TRIO: variants seen among roughly 807,000 people sequenced by gnomAD.
The protein encoded by TRIO is trio Rho guanine nucleotide exchange factor, also known as triple functional domain protein.
A neutral mutation model predicts 351.9 loss-of-function variants in TRIO; 58 were observed. The observed-to-expected ratio is 0.16, with a 90% CI of 0.13 to 0.21. The LOEUF (loss-of-function observed/expected upper bound fraction) is 0.21. Among genes scored for constraint, TRIO ranks in the 10% least tolerant of loss-of-function variants. The pLI, the probability that TRIO is intolerant of heterozygous loss-of-function variation, is 1.00. For synonymous variants in TRIO, 1,758 were observed against 1,595.7 expected (o/e 1.10, Z -2.42); for missense variants, 3,201 against 4,027.8 (o/e 0.79, Z 5.56).
intron 1 of TRIO, among the ~76,000 whole-genome samples, chr5:14,145,663 C>G (rs971514088): frequency 6.6e-6 from 1 of 152,188 alleles, no homozygotes; most frequent in African/African-American, 2.4e-5. Context: ...CAGCTCCTCT[C>G]TGTTAGAAAG....
chr5:14,167,311 G>T (rs973056407), intron 1 of TRIO, among the ~76,000 whole-genome samples: 1 of 151,888 alleles, frequency 6.6e-6, no homozygotes, highest in South Asian at 2.1e-4. Flanking sequence ...AGCCCGTTAA[G>T]AATGTTCCAG....
Position 14,286,625 on chromosome 5 carries a change from C to G in TRIO, c.348-246C>G, listed in dbSNP as rs746456697. Among the ~76,000 whole-genome samples the G allele has an allele frequency of 1.4e-4, 22 of 152,110 alleles. No homozygotes were observed. The highest frequency in any genetic ancestry group is 4.1e-4 in the South Asian group (2 of 4,826). ...CTGAAAAGAAGACGGGATGCAAAAC[C>G]ATTAATACAAAATTGAAATCTTAAC... On this transcript the variant is annotated intron_variant, in intron 3 of 56. Coordinates refer to ENST00000344204, the MANE Select transcript of TRIO (RefSeq NM_007118.4). The surrounding 1 kb of genome is among the most constrained non-coding windows in gnomAD (Gnocchi z 4.4).
intron 34 of TRIO, among the ~76,000 whole-genome samples, chr5:14,442,594 G>A (rs80225281): frequency 0.023 from 3,446 of 152,140 alleles, 123 homozygotes; most frequent in African/African-American, 0.079. Context: ...TTTGACCCTG[G>A]GCTCTTTTTG....
intron 2 of TRIO, among the ~76,000 whole-genome samples, chr5:14,279,301 A>G (rs1240965543): frequency 6.6e-6 from 1 of 152,224 alleles, no homozygotes; most frequent in Admixed American, 6.5e-5. Context: ...TTTTTAAAAT[A>G]CCATCATCTT....
At chr5:14,185,533 C>G (rs1362163613) in intron 1 of TRIO, among the ~76,000 whole-genome samples, 1 of 152,192 alleles carries the variant, frequency 6.6e-6, no homozygotes, top group African/African-American at 2.4e-5. Flanking sequence ...GCCACCTGCC[C>G]CTGCCTGCAC....
chr5:14,510,185 A>C lies in TRIO; in HGVS notation c.*1763A>C, dbSNP rs1047041920. 3 of 152,230 alleles carry C rather than the reference A, an allele frequency of 2.0e-5. No homozygotes were observed. The highest frequency in any genetic ancestry group is 7.2e-5 in the African/African-American group (3 of 41,462). 9.4% of individuals were successfully genotyped at this position (152,230 alleles called of 1,614,324 possible). ...TATTTTGCCATCAGTTATTTTAAAA[A>C]ATTAAACATATTTGCCTGATTTTTG... On this transcript the variant is annotated 3_prime_UTR_variant, in exon 57 of 57. Transcript: ENST00000344204.
intron 9 of TRIO, among the ~76,000 whole-genome samples, chr5:14,323,830 A>G (rs921514778): frequency 1.3e-5 from 2 of 152,194 alleles, no homozygotes; most frequent in African/African-American, 4.8e-5. Context: ...TTCATTTGTG[A>G]TTTTTACTTT....
At position 14,488,033 on chromosome 5, in the gene TRIO, G is replaced by A. The variant is rs750105964; in HGVS notation, c.7405G>A (p.Gly2469Ser). ...GCTCTCCAGCGCGGTCCCTTCTCTC[G>A]GCAAGGAGCCCTTCCCCCCCAGCAG... ...SPLSSAVPSL[G>S]KEPFPPSSPL... The change falls in exon 48 of 57, where the codon GGC (glycine) becomes AGC (serine). Residue 2469 changes from glycine (G) to serine (S), a missense_variant. Around this residue, in one of 19 missense-constraint regions of TRIO, gnomAD observed 1,089 missense variants for 954.9 expected, o/e 1.14. Transcript: ENST00000344204. 1,049 of 1,603,908 alleles carry A rather than the reference G, an allele frequency of 6.5e-4. No individual in the cohort carries two copies. Among genetic ancestry groups the A allele is most frequent in the Non-Finnish European group, 8.5e-4 (999 of 1,176,560 alleles).
At chr5:14,391,643 A>T (rs1747090874) in intron 27 of TRIO, among the ~76,000 whole-genome samples, 1 of 152,232 alleles carries the variant, frequency 6.6e-6, no homozygotes. Flanking sequence ...AACTTGGTCA[A>T]ATATGTGCCA....
chr5:14,349,648 G>C (rs188359334), intron 11 of TRIO, among the ~76,000 whole-genome samples: 271 of 152,224 alleles, frequency 1.8e-3, no homozygotes, highest in Admixed American at 3.9e-3. Context: ...TCTATCTTTT[G>C]CTTTCAACAT....
At chr5:14,347,858 T>A (rs1268058454) in intron 11 of TRIO, among the ~76,000 whole-genome samples, 1 of 152,238 alleles carries the variant, frequency 6.6e-6, no homozygotes, top group African/African-American at 2.4e-5. Flanking sequence ...GTGCTAGAAT[T>A]CAGATCCCAA....
At position 14,252,989 on chromosome 5, in the gene TRIO, C is replaced by T. The variant is rs144983312; in HGVS notation, c.158-17836C>T. Reference sequence around the variant, plus strand: ...TCGCCTCACTGGGGCAGCCTGGCCCCAAAATTACAATTAGCCATTCATTTA... The same window carrying T: ...TCGCCTCACTGGGGCAGCCTGGCCCTAAAATTACAATTAGCCATTCATTTA... On this transcript the variant is annotated intron_variant, in intron 1 of 56. Coordinates refer to ENST00000344204, the MANE Select transcript of TRIO (RefSeq NM_007118.4). 9.6e-3 allele frequency among the ~76,000 whole-genome samples: 1,459 copies of T among 152,332 alleles called. 28 individuals are homozygous for T. Among genetic ancestry groups the T allele is most frequent in the African/African-American group, 0.033 (1,388 of 41,570 alleles).
intron 1 of TRIO, among the ~76,000 whole-genome samples, chr5:14,145,116 G>C (rs913948425): frequency 4.6e-5 from 7 of 152,190 alleles, no homozygotes; most frequent in Non-Finnish European, 1.0e-4. Flanking sequence ...GCGGCCCTGC[G>C]CTGGGGGACG....
rs547347934 is a variant in TRIO at position 14,205,867 on chromosome 5, G to C, written c.157+61985G>C. ...CGTGCCTCAGCCTCCCGAATAGCTG[G>C]AATTACAGGCCCGTGCCACCACACC... On this transcript the variant is annotated intron_variant, in intron 1 of 56. Coordinates refer to ENST00000344204, the MANE Select transcript of TRIO (RefSeq NM_007118.4). Among the ~76,000 whole-genome samples the C allele has an allele frequency of 2.0e-5, 3 of 152,120 alleles. No homozygotes were observed. In the East Asian group the frequency reaches 5.8e-4, roughly 29 times the overall value.
chr5:14,336,987 A>C (rs1437079164), intron 11 of TRIO, among the ~76,000 whole-genome samples: 3 of 152,140 alleles, frequency 2.0e-5, no homozygotes, highest in Non-Finnish European at 4.4e-5. Flanking sequence ...AGAGACAGAG[A>C]ACGTCCATTT....
intron 7 of TRIO, among the ~76,000 whole-genome samples, chr5:14,297,725 T>G (rs1400059815): frequency 6.6e-6 from 1 of 152,182 alleles, no homozygotes; most frequent in East Asian, 1.9e-4. Context: ...GGTTTAGTTT[T>G]CTCACAAACT....
chr5:14,262,196 C>G (rs1219542155), intron 1 of TRIO, among the ~76,000 whole-genome samples: 1 of 152,114 alleles, frequency 6.6e-6, no homozygotes, highest in Non-Finnish European at 1.5e-5. Flanking sequence ...ACCGAGAAGT[C>G]TTTTGATATT....
intron 1 of TRIO, among the ~76,000 whole-genome samples, chr5:14,222,951 G>A (rs560076619): frequency 1.3e-5 from 2 of 152,308 alleles, no homozygotes; most frequent in Middle Eastern, 3.4e-3. Flanking sequence ...GATTGAGGGC[G>A]TCTCCCGGAT....
chr5:14,227,071 C>G (rs1325949694), intron 1 of TRIO, among the ~76,000 whole-genome samples: 1 of 152,204 alleles, frequency 6.6e-6, no homozygotes, highest in African/African-American at 2.4e-5. Flanking sequence ...CATGAGACAG[C>G]TTTGGGGAAA....
Sources: gnomAD v4.1 joint callset for allele counts (sites outside exome capture counted in the v4.1 genomes callset) on GRCh38, gnomAD v4.1.1 for gene constraint, gnomAD v4.1.1 regional missense constraint, Gnocchi (gnomAD v3.1) non-coding constraint, MANE v1.5 for transcripts, NCBI Gene and HGNC (gene_info 2026-07-23, HGNC 2026-07-21) for gene names.